Variants in EBF2 observed in about 807,000 individuals in gnomAD.
EBF2 encodes the protein transcription factor COE2.
EBF2 carries 21 observed loss-of-function variants against 72.8 expected under a neutral mutation model. The observed-to-expected ratio is 0.29, with a 90% CI of 0.20 to 0.42. The LOEUF (loss-of-function observed/expected upper bound fraction) is 0.42, where lower values mean the gene tolerates loss of function less well. EBF2 is among the 10% of genes least tolerant of loss of function. EBF2 has a pLI of 1.00. For missense variants in EBF2, 637 were observed against 731.2 expected (o/e 0.87, Z 1.49); for synonymous variants, 299 against 274.2 (o/e 1.09, Z -0.89).
chr8:25,916,647 A>G (rs913760252), intron 6 of EBF2, among the ~76,000 whole-genome samples: 1 of 152,186 alleles, frequency 6.6e-6, no homozygotes, highest in Non-Finnish European at 1.5e-5. Context: ...AAAAGAAAAA[A>G]AAACCACACA....
intron 6 of EBF2, among the ~76,000 whole-genome samples, chr8:25,928,565 G>A (rs548290193): frequency 6.6e-6 from 1 of 152,064 alleles, no homozygotes; most frequent in African/African-American, 2.4e-5. Flanking sequence ...CACTTAGAAC[G>A]AAGCCAGAGC....
chr8:26,018,137 C>T (rs1805142901), intron 6 of EBF2, among the ~76,000 whole-genome samples: 1 of 150,486 alleles, frequency 6.6e-6, no homozygotes, highest in African/African-American at 2.4e-5. Flanking sequence ...TCTCCCTTCG[C>T]AGGAGCAAAC....
chr8:25,897,884 G>A (rs1404696908), intron 7 of EBF2, among the ~76,000 whole-genome samples: 1 of 152,126 alleles, frequency 6.6e-6, no homozygotes, highest in Non-Finnish European at 1.5e-5. Context: ...ACCCAGCAAT[G>A]GGATTGCTGG....
chr8:25,877,229 C>T lies in EBF2; in HGVS notation c.1009+9526G>A, dbSNP rs780668190. 8.5e-4 allele frequency among the ~76,000 whole-genome samples: 130 copies of T among 152,220 alleles called. 4 individuals are homozygous for T. Among genetic ancestry groups the T allele is most frequent in the Non-Finnish European group, 1.8e-4 (12 of 68,044 alleles). ...GACAGCCAAGAAGTCCCTGAACAAC[C>T]AGTCACTGTGGTTCTGTTGGGTGCC... On this transcript the variant is annotated intron_variant, in intron 10 of 15. Transcript: ENST00000520164.
rs534662150 is a variant in EBF2, at chr8:25,993,701, C to G, written c.551+39384G>C. On this transcript the variant is annotated intron_variant, in intron 6 of 15. Transcript: ENST00000520164. ...CTCCCTAGAACACAGAGGGGTGAGACAAAGGAATGTAATAGAAGAAGCATT... is the reference window on the plus strand; with the variant it reads ...CTCCCTAGAACACAGAGGGGTGAGAGAAAGGAATGTAATAGAAGAAGCATT... Among the ~76,000 whole-genome samples the G allele has an allele frequency of 4.6e-5, 7 of 151,306 alleles. No homozygotes were observed. In the Admixed American group the frequency reaches 4.6e-4, roughly 10 times the overall value.
At chr8:25,856,196 ACTGT>A (rs764086409) in intron 14 of EBF2, among the ~76,000 whole-genome samples, 1 of 152,058 alleles carries the variant, frequency 6.6e-6, no homozygotes, top group Non-Finnish European at 1.5e-5. Context: ...CACACTACAT[ACTGT>A]ATTATAAAAT....
intron 6 of EBF2, among the ~76,000 whole-genome samples, chr8:25,910,711 T>C (rs886868438): frequency 6.6e-6 from 1 of 152,282 alleles, no homozygotes; most frequent in East Asian, 1.9e-4. Context: ...ACACCTAGTT[T>C]GACTCTTTGC....
chr8:25,974,059 A>G (rs1340302289), intron 6 of EBF2, among the ~76,000 whole-genome samples: 2 of 152,208 alleles, frequency 1.3e-5, no homozygotes, highest in African/African-American at 4.8e-5. Flanking sequence ...CCACATCTCT[A>G]TGAGAATTCC....
At chr8:25,857,185 G>GAAGA in intron 14 of EBF2, among the ~76,000 whole-genome samples, 1 of 152,196 alleles carries the variant, frequency 6.6e-6, no homozygotes, top group South Asian at 2.1e-4. Flanking sequence ...TTTGCAGTAA[G>GAAGA]AAGATTTTCA....
intron 6 of EBF2, among the ~76,000 whole-genome samples, chr8:26,006,148 G>A (rs1383194824): frequency 2.0e-5 from 3 of 152,114 alleles, no homozygotes; most frequent in Admixed American, 2.0e-4. Flanking sequence ...ATCTTCCTTT[G>A]AAACACTGCC....
chr8:25,855,368 G>A (rs1802066857), intron 14 of EBF2, among the ~76,000 whole-genome samples: 1 of 152,154 alleles, frequency 6.6e-6, no homozygotes, highest in Non-Finnish European at 1.5e-5. Flanking sequence ...CACTGCTACT[G>A]CCAGGAAGTG....
intron 6 of EBF2, among the ~76,000 whole-genome samples, chr8:26,015,457 G>A (rs2117238738): frequency 6.6e-6 from 1 of 152,268 alleles, no homozygotes; most frequent in East Asian, 1.9e-4. Context: ...GTGCAACTAG[G>A]TGCTCGCTAT....
chr8:26,036,372 T>C (rs1282506750), intron 5 of EBF2, among the ~76,000 whole-genome samples: 2 of 152,148 alleles, frequency 1.3e-5, no homozygotes, highest in Non-Finnish European at 2.9e-5. Flanking sequence ...AGTAACATAT[T>C]TAAATATCAT....
intron 6 of EBF2, among the ~76,000 whole-genome samples, chr8:25,974,208 T>A (rs990523239): frequency 6.6e-6 from 1 of 152,142 alleles, no homozygotes; most frequent in African/African-American, 2.4e-5. Flanking sequence ...GTGGCACAGG[T>A]CACAGATGGA....
rs1483882599 is a variant in EBF2 at position 25,843,284 on chromosome 8, G to GT, written c.*1324dup. ...TCCGTCTCATTCTTGACTAGAAACTGTCGAGTGGCATAGCTATGTTTTTCA... is the reference window on the plus strand; with the variant it reads ...TCCGTCTCATTCTTGACTAGAAACTGTTCGAGTGGCATAGCTATGTTTTTCA... On this transcript the variant is annotated 3_prime_UTR_variant, in exon 16 of 16. Coordinates refer to ENST00000520164, the MANE Select transcript of EBF2 (RefSeq NM_022659.4). 2 of 152,170 alleles carry GT rather than the reference G, an allele frequency of 1.3e-5. No homozygotes were observed. The highest frequency in any genetic ancestry group is 4.8e-5 in the African/African-American group (2 of 41,436). The allele number at this position is 152,170 out of a possible 1,614,324, so 9.4% of individuals were successfully genotyped here. A position where few individuals can be genotyped will look rare whatever the true frequency, so the allele number is the denominator to read the frequency against.
In EBF2 at chr8:25,844,410, A is replaced by G; in HGVS notation, c.*199T>C. On this transcript the variant is annotated 3_prime_UTR_variant, in exon 16 of 16. Coordinates refer to ENST00000520164, the MANE Select transcript of EBF2 (RefSeq NM_022659.4). ...AATGACATCTTTTGTCCTTGTCCCA[A>G]GAGGGTCAGTTTGTGTAGCCACCAT... The G allele has an allele frequency of 8.7e-6, 5 of 575,126 alleles. No homozygotes were observed. The highest frequency in any genetic ancestry group is 6.7e-5 in the South Asian group (3 of 44,874). The allele number at this position is 575,126 out of a possible 1,614,324, so 35.6% of individuals were successfully genotyped here. A position where few individuals can be genotyped will look rare whatever the true frequency, so the allele number is the denominator to read the frequency against.
chr8:26,039,201 G>A (rs945329608), intron 5 of EBF2, among the ~76,000 whole-genome samples: 1 of 151,766 alleles, frequency 6.6e-6, no homozygotes, highest in Admixed American at 6.6e-5. Flanking sequence ...AATAAGGGTA[G>A]ATGCAATTCT....
chr8:26,038,513 A>C (rs1032181947), intron 5 of EBF2, among the ~76,000 whole-genome samples: 1 of 152,230 alleles, frequency 6.6e-6, no homozygotes, highest in Non-Finnish European at 1.5e-5. Flanking sequence ...ACAATGGATC[A>C]ATTTTTTGTT....
chr8:25,907,137 G>C (rs1803047504), intron 7 of EBF2, among the ~76,000 whole-genome samples: 1 of 151,780 alleles, frequency 6.6e-6, no homozygotes, highest in Non-Finnish European at 1.5e-5. Flanking sequence ...AATTATTCAG[G>C]GTCCGATGTG....
Sources: allele counts gnomAD v4.1 joint callset (sites outside exome capture counted in the v4.1 genomes callset), GRCh38; gene constraint gnomAD v4.1.1; transcripts MANE v1.5; gene names NCBI Gene and HGNC (gene_info 2026-07-23, HGNC 2026-07-21).